STAT5A: variants seen among roughly 807,000 people sequenced by gnomAD.
STAT5A encodes the protein epididymis secretory sperm binding protein.
STAT5A carries 26 observed loss-of-function variants against 100.2 expected under a neutral mutation model. The ratio of observed to expected loss-of-function variants is 0.26; its 90% confidence interval spans 0.19 to 0.36. The LOEUF (loss-of-function observed/expected upper bound fraction) is 0.36. STAT5A is among the 10% of genes least tolerant of loss of function. The pLI, the probability that STAT5A is intolerant of heterozygous loss-of-function variation, is 1.00. For synonymous variants in STAT5A, 330 were observed against 424.3 expected (o/e 0.78, Z 2.73); for missense variants, 634 against 1,027.5 (o/e 0.62, Z 5.24).
chr17:42,297,152 G>A (rs542476234), intron 5 of STAT5A, among the ~76,000 whole-genome samples: 1 of 151,946 alleles, frequency 6.6e-6, no homozygotes, highest in South Asian at 2.1e-4. Context: ...TGTCCAGGCT[G>A]GTTGCAACCT....
intron 17 of STAT5A, 34 bp downstream of exon 17, chr17:42,309,132 C>T (rs1279514407): frequency 6.2e-7 from 1 of 1,613,030 alleles, no homozygotes; most frequent in Non-Finnish European, 8.5e-7. Flanking sequence ...TCTCCTTCTG[C>T]CTCTTTCCTC....
chr17:42,305,972 T>C (rs1598365402), intron 12 of STAT5A: 1 of 649,394 alleles, frequency 1.5e-6, no homozygotes, highest in East Asian at 2.7e-5. Flanking sequence ...GCAGATGGCT[T>C]GGGTCCTTGC....
In STAT5A at chr17:42,300,286, TG is replaced by T. The variant is rs1490577951; in HGVS notation, c.833+7del. ...CCTGGACGTGCTACAGTCCTGGTAATGGTGTGGGGCGGCCAGCGGGCAGGGC... is the reference window on the plus strand; with the variant it reads ...CCTGGACGTGCTACAGTCCTGGTAATGTGTGGGGCGGCCAGCGGGCAGGGC... On this transcript the variant is annotated splice_donor_region_variant and intron_variant, in intron 7 of 18. Transcript: ENST00000590949. 1 of 1,565,596 alleles carries T rather than the reference TG, an allele frequency of 6.4e-7. No homozygotes were observed. The highest frequency in any genetic ancestry group is 8.7e-7 in the Non-Finnish European group (1 of 1,155,556).
At chr17:42,295,330 G>A (rs1237751928) in intron 4 of STAT5A, among the ~76,000 whole-genome samples, 1 of 152,126 alleles carries the variant, frequency 6.6e-6, no homozygotes, top group Non-Finnish European at 1.5e-5. Context: ...ACCCTGTTTG[G>A]AATACTCTAG....
intron 9 of STAT5A, 44 bp downstream of exon 9, chr17:42,301,498 G>A (rs2080978824): frequency 6.2e-7 from 1 of 1,609,068 alleles, no homozygotes; most frequent in Non-Finnish European, 8.5e-7. Context: ...TAGGTGTGGG[G>A]GACCTGCACC....
chr17:42,292,069 T>A lies in STAT5A; in HGVS notation c.375+8T>A. 1 of 1,613,688 alleles carries A rather than the reference T, an allele frequency of 6.2e-7. No individual in the cohort carries two copies. Among genetic ancestry groups the A allele is most frequent in the Non-Finnish European group, 8.5e-7 (1 of 1,179,752 alleles). ...GTCCGAGAAGCCAACAATGTGAGTGTCCCTTGGGGATGGGGAGGAGTGTTG... is the reference window on the plus strand; with the variant it reads ...GTCCGAGAAGCCAACAATGTGAGTGACCCTTGGGGATGGGGAGGAGTGTTG... On this transcript the variant is annotated splice_region_variant and intron_variant, in intron 4 of 18. Coordinates refer to ENST00000590949, the MANE Select transcript of STAT5A (RefSeq NM_001288718.2).
At position 42,310,519 on chromosome 17, in the gene STAT5A, A is replaced by G; in HGVS notation, c.2235A>G (p.Val745=). Residue 745 remains valine (V), a synonymous_variant, in exon 19 of 19, where the codon GTA becomes GTG. Coordinates refer to ENST00000590949, the MANE Select transcript of STAT5A (RefSeq NM_001288718.2). The part of the protein sequence containing the change: ...YNMYPQNPDH[V]LDQDGEFDLD... Reference sequence around the variant, plus strand: ...CTGTCTTTACCAGCCCTGACCATGTACTCGATCAGGATGGAGAATTCGACC... The same window carrying G: ...CTGTCTTTACCAGCCCTGACCATGTGCTCGATCAGGATGGAGAATTCGACC... 9.3e-6 allele frequency: 15 copies of G among 1,614,088 alleles called. No individual in the cohort carries two copies. Among genetic ancestry groups the G allele is most frequent in the Non-Finnish European group, 1.3e-5 (15 of 1,180,012 alleles).
rs746025610 is a variant in STAT5A, at chr17:42,310,664, T to C, written c.2380T>C (p.Ser794Pro). The C allele has an allele frequency of 6.2e-7, 1 of 1,614,136 alleles. No homozygotes were observed. The highest frequency in any genetic ancestry group is 1.1e-5 in the South Asian group (1 of 91,088). ...TTTCACCTCTGCCAGAGGCTCCCTC[T>C]CATGAATGTTTGAATCCCACGCTTC... ...GLFTSARGSL[S>P] Residue 794 changes from serine to proline, a missense_variant, in exon 19 of 19, where the codon TCA becomes CCA. Coordinates refer to ENST00000590949, the MANE Select transcript of STAT5A (RefSeq NM_001288718.2).
intron 9 of STAT5A, 23 bp downstream of exon 9, chr17:42,301,477 C>T: frequency 1.2e-6 from 2 of 1,613,690 alleles, no homozygotes; most frequent in Non-Finnish European, 1.7e-6. Flanking sequence ...CTCCCTTCCC[C>T]TGCCCAAGCT....
chr17:42,307,751 G>T (rs769529848), intron 15 of STAT5A, 28 bp downstream of exon 15: 12 of 1,606,940 alleles, frequency 7.5e-6, no homozygotes, highest in Admixed American at 3.3e-5. Context: ...CCACACTCCA[G>T]CCCCAAGGCC....
At chr17:42,296,706 C>T (rs921594353) in intron 5 of STAT5A, among the ~76,000 whole-genome samples, 3 of 152,056 alleles carry the variant, frequency 2.0e-5, no homozygotes, top group African/African-American at 7.3e-5. Context: ...GGCATGATTT[C>T]GGCTCACTGC....
intron 4 of STAT5A, among the ~76,000 whole-genome samples, chr17:42,294,093 G>A (rs1412566421): frequency 6.6e-6 from 1 of 152,100 alleles, no homozygotes; most frequent in East Asian, 1.9e-4. Context: ...GCGGGCGCCT[G>A]TAATCCTAGC....
intron 9 of STAT5A, among the ~76,000 whole-genome samples, chr17:42,303,857 G>A (rs1336129045): frequency 6.6e-6 from 1 of 152,160 alleles, no homozygotes; most frequent in Non-Finnish European, 1.5e-5. Context: ...CCTGAAGGAG[G>A]AGAAGGCTAA....
chr17:42,311,088 A>G lies in STAT5A; in HGVS notation c.*419A>G, dbSNP rs187568556. ...CCGGAGTGAGAAGCTTTGCCCTCCT[A>G]AGAGAGAGAGACAGAGAGACAGAGA... On this transcript the variant is annotated 3_prime_UTR_variant, in exon 19 of 19. Coordinates refer to ENST00000590949, the MANE Select transcript of STAT5A (RefSeq NM_001288718.2). The G allele has an allele frequency of 7.2e-5, 16 of 220,742 alleles. No homozygotes were observed. The highest frequency in any genetic ancestry group is 5.7e-4 in the East Asian group (6 of 10,572). The allele number at this position is 220,742 out of a possible 1,614,324, so 13.7% of individuals were successfully genotyped here.
intron 9 of STAT5A, among the ~76,000 whole-genome samples, chr17:42,301,749 T>G (rs1004394293): frequency 3.9e-5 from 6 of 152,192 alleles, no homozygotes; most frequent in Non-Finnish European, 8.8e-5. Context: ...TCACACCACT[T>G]TCTCCTGAAA....
chr17:42,307,116 T>C (rs1218697753), intron 13 of STAT5A, among the ~76,000 whole-genome samples: 1 of 152,112 alleles, frequency 6.6e-6, no homozygotes, highest in Non-Finnish European at 1.5e-5. Context: ...GGGGATGACT[T>C]TGGAGGAATG....
Position 42,291,974 on chromosome 17 carries a change from A to G in STAT5A, c.288A>G (p.Lys96=). The change falls in exon 4 of 19, where the codon AAA becomes AAG. Residue 96 remains lysine, a splice_region_variant and synonymous_variant. Coordinates refer to ENST00000590949, the MANE Select transcript of STAT5A (RefSeq NM_001288718.2). ...AGGCTACTGTTGGATTCTTTCAGAA[A>G]ACATATGACCGCTGCCCCCTGGAGC... ...KLGHYATQLQ[K]TYDRCPLELV... 2 of 1,613,808 alleles carry G rather than the reference A, an allele frequency of 1.2e-6. No individual in the cohort carries two copies. The highest frequency in any genetic ancestry group is 1.7e-6 in the Non-Finnish European group (2 of 1,179,836).
chr17:42,302,828 G>C lies in STAT5A; in HGVS notation c.1169+1374G>C, dbSNP rs573435449. Among the ~76,000 whole-genome samples the C allele has an allele frequency of 2.6e-5, 4 of 151,924 alleles. No individual in the cohort carries two copies. In the South Asian group the frequency reaches 8.3e-4, roughly 32 times the overall value. ...GTACACCTGTAGCTCCAGCTACTTG[G>C]ACCTCTAGTCCTAACTACCAACTAC... On this transcript the variant is annotated intron_variant, in intron 9 of 18. Coordinates refer to ENST00000590949, the MANE Select transcript of STAT5A (RefSeq NM_001288718.2).
At chr17:42,292,910 G>A (rs531666162) in intron 4 of STAT5A, among the ~76,000 whole-genome samples, 3 of 152,304 alleles carry the variant, frequency 2.0e-5, no homozygotes, top group African/African-American at 7.2e-5. Context: ...TTACAGGCGT[G>A]AGCCACCGTG....
Sources: allele counts gnomAD v4.1 joint callset (sites outside exome capture counted in the v4.1 genomes callset), GRCh38; gene constraint gnomAD v4.1.1; transcripts MANE v1.5; gene names NCBI Gene and HGNC (gene_info 2026-07-23, HGNC 2026-07-21).